GRIK4: variants seen among roughly 807,000 people sequenced by gnomAD.
The protein encoded by GRIK4 is glutamate receptor ionotropic, kainate 4.
In GRIK4, 40 loss-of-function variants were observed where a neutral mutation model predicts 104.9. The ratio of observed to expected loss-of-function variants is 0.38; its 90% CI spans 0.30 to 0.50. The LOEUF is 0.50. GRIK4 is among the 20% of genes least tolerant of loss of function. GRIK4 has a pLI of 0.93. For missense variants in GRIK4, 1,047 were observed against 1,308.1 expected (o/e 0.80, Z 3.08); for synonymous variants, 485 against 524.9 (o/e 0.92, Z 1.04).
Position 120,780,106 on chromosome 11 carries a change from CAT to C in GRIK4, c.83-22586_83-22585del, listed in dbSNP as rs1210159910. Among the ~76,000 whole-genome samples the C allele has an allele frequency of 3.3e-5, 5 of 152,338 alleles. 1 individual carries two copies. Among genetic ancestry groups the C allele is most frequent in the Admixed American group, 6.5e-5 (1 of 15,302 alleles). On this transcript the variant is annotated intron_variant, in intron 3 of 20. Transcript: ENST00000527524. The stretch of plus-strand genomic sequence containing the variant: ...ATTATCATGAGATACAAATGAGACA[CAT>C]GTGTGAATGTGCTTTGTAAACTCTT...
At chr11:120,590,117 TC>T (rs1232648710) in intron 1 of GRIK4, among the ~76,000 whole-genome samples, 2 of 152,194 alleles carry the variant, frequency 1.3e-5, no homozygotes, top group African/African-American at 4.8e-5. Context: ...AGGATTCCTT[TC>T]ATTGCCTTTT....
At chr11:120,912,356 T>C (rs1943018913) in intron 13 of GRIK4, among the ~76,000 whole-genome samples, 4 of 152,022 alleles carry the variant, frequency 2.6e-5, no homozygotes, top group Admixed American at 6.6e-5. Context: ...GCGTAGACTG[T>C]AGGGTGAATG....
chr11:120,655,056 C>T (rs753737298), intron 2 of GRIK4, among the ~76,000 whole-genome samples: 21 of 151,986 alleles, frequency 1.4e-4, no homozygotes, highest in Non-Finnish European at 1.9e-4. Context: ...ATATTGGCCC[C>T]GTCTGTTTAT....
chr11:120,671,389 G>T (rs1423890704), intron 3 of GRIK4, among the ~76,000 whole-genome samples: 2 of 152,082 alleles, frequency 1.3e-5, no homozygotes, highest in Non-Finnish European at 2.9e-5. Context: ...TTTAATGATC[G>T]CCATTCTAAC....
At chr11:120,788,905 T>C (rs776700065) in intron 3 of GRIK4, among the ~76,000 whole-genome samples, 15 of 152,054 alleles carry the variant, frequency 9.9e-5, no homozygotes, top group Non-Finnish European at 1.6e-4. Flanking sequence ...ACCTCTCCCC[T>C]GGAAGGGCTC....
chr11:120,829,610 T>C (rs1356953774), intron 6 of GRIK4, among the ~76,000 whole-genome samples: 1 of 152,232 alleles, frequency 6.6e-6, no homozygotes, highest in Non-Finnish European at 1.5e-5. Flanking sequence ...TCACCGCGCC[T>C]GCCCTTGGAG....
At chr11:120,642,048 A>C (rs183162222) in intron 1 of GRIK4, among the ~76,000 whole-genome samples, 1 of 152,154 alleles carries the variant, frequency 6.6e-6, no homozygotes, top group Non-Finnish European at 1.5e-5. Context: ...CTGTGATCAC[A>C]CTGTCCACTT....
Position 120,819,686 on chromosome 11 carries a change from C to T in GRIK4, c.346-69C>T. On this transcript the variant is annotated intron_variant, in intron 5 of 20. Coordinates refer to ENST00000527524, the MANE Select transcript of GRIK4 (RefSeq NM_014619.5). The surrounding 1 kb of genome is among the most constrained non-coding windows in gnomAD (Gnocchi z 4.3). Reference sequence around the variant, plus strand: ...ACTCACCCTCCACAACCTCAGCTCACTCATCCCTCTTTCTTCCTTTTCACC... The same window carrying T: ...ACTCACCCTCCACAACCTCAGCTCATTCATCCCTCTTTCTTCCTTTTCACC... The T allele has an allele frequency of 2.1e-6, 3 of 1,454,066 alleles. No homozygotes were observed. Among genetic ancestry groups the T allele is most frequent in the African/African-American group, 2.8e-5 (2 of 72,110 alleles). 90.1% of individuals were successfully genotyped at this position (1,454,066 alleles called of 1,614,324 possible).
At chr11:120,856,679 C>T (rs1331885965) in intron 8 of GRIK4, among the ~76,000 whole-genome samples, 4 of 152,140 alleles carry the variant, frequency 2.6e-5, no homozygotes, top group South Asian at 2.1e-4. Flanking sequence ...GAAAACATCA[C>T]GGAATGCCAC....
chr11:120,865,707 G>GA (rs145575118), intron 9 of GRIK4, among the ~76,000 whole-genome samples: 10 of 151,890 alleles, frequency 6.6e-5, no homozygotes, highest in East Asian at 1.9e-4. Context: ...CCTTTTAGAG[G>GA]AAAAAAAATG....
At chr11:120,571,678 C>G (rs1302628654) in intron 1 of GRIK4, among the ~76,000 whole-genome samples, 1 of 152,116 alleles carries the variant, frequency 6.6e-6, no homozygotes, top group African/African-American at 2.4e-5. Context: ...TGGCCCACCC[C>G]CCTCATCTCT....
At chr11:120,522,501 T>C (rs1216301563) in intron 1 of GRIK4, among the ~76,000 whole-genome samples, 2 of 152,082 alleles carry the variant, frequency 1.3e-5, no homozygotes, top group Non-Finnish European at 2.9e-5. Flanking sequence ...TTTGTATTTT[T>C]ATAGAGACAG....
At position 120,864,279 on chromosome 11, in the gene GRIK4, C is replaced by A. The variant is rs548743562; in HGVS notation, c.906+2159C>A. Among the ~76,000 whole-genome samples, 2 of 151,802 alleles carry A rather than the reference C, an allele frequency of 1.3e-5. 1 individual carries two copies. The highest frequency in any genetic ancestry group is 4.2e-4 in the South Asian group (2 of 4,794). On this transcript the variant is annotated intron_variant, in intron 9 of 20. Transcript: ENST00000527524. ...TTTTTGAGATGGAGTCTTGCTCTTT[C>A]GCCCAGGCTGGAGTGCAGTGGCGCG...
intron 17 of GRIK4, 76 bp from the exon 18 acceptor site, chr11:120,962,380 C>A: frequency 1.0e-6 from 1 of 994,684 alleles, no homozygotes; most frequent in Non-Finnish European, 1.5e-6. Context: ...TTAAGGTGCA[C>A]TTTGATTCCC....
chr11:120,514,848 G>A (rs1947706013), intron 1 of GRIK4: 1 of 399,666 alleles, frequency 2.5e-6, no homozygotes. Flanking sequence ...TGTCCACTCC[G>A]ACCTTTGCTC....
intron 1 of GRIK4, among the ~76,000 whole-genome samples, chr11:120,615,624 C>T (rs1186623800): frequency 6.6e-6 from 1 of 152,154 alleles, no homozygotes; most frequent in East Asian, 1.9e-4. Context: ...CAGGGAGCCC[C>T]TAGAGACCTC....
intron 1 of GRIK4, among the ~76,000 whole-genome samples, chr11:120,618,523 GA>G (rs1949143407): frequency 6.6e-6 from 1 of 152,212 alleles, no homozygotes; most frequent in Non-Finnish European, 1.5e-5. Context: ...AGACAGTAGG[GA>G]AAAGGCCTTG....
intron 3 of GRIK4, among the ~76,000 whole-genome samples, chr11:120,785,678 G>T (rs905142466): frequency 6.6e-6 from 1 of 152,218 alleles, no homozygotes; most frequent in African/African-American, 2.4e-5. Flanking sequence ...GAGTTGTATG[G>T]GGGTTACAGG....
intron 15 of GRIK4, among the ~76,000 whole-genome samples, chr11:120,955,718 C>CA (rs1944128919): frequency 6.6e-6 from 1 of 152,210 alleles, no homozygotes; most frequent in African/African-American, 2.4e-5. Context: ...GCATTACACT[C>CA]ACTGGGGAGC....
Sources: gnomAD v4.1 joint callset for allele counts (sites outside exome capture counted in the v4.1 genomes callset) on GRCh38, gnomAD v4.1.1 for gene constraint, Gnocchi (gnomAD v3.1) non-coding constraint, MANE v1.5 for transcripts, NCBI Gene and HGNC (gene_info 2026-07-23, HGNC 2026-07-21) for gene names.